VPS13A: variants seen among roughly 807,000 people sequenced by gnomAD.
VPS13A encodes intermembrane lipid transfer protein VPS13A.
Under a neutral mutation model 390.9 loss-of-function variants are expected in VPS13A, and 264 were observed. The observed-to-expected ratio is 0.68, with a 90% CI of 0.61 to 0.75. The LOEUF (loss-of-function observed/expected upper bound fraction) is 0.75, where lower values mean the gene tolerates loss of function less well. Among genes scored for constraint, VPS13A ranks in the 30% least tolerant of loss-of-function variants. The probability of loss-of-function intolerance (pLI) is 0.00; values close to 1 mark genes in which losing one functional copy is unlikely to be tolerated. For missense variants in VPS13A, 3,409 were observed against 3,733.9 expected, an observed-to-expected ratio of 0.91 and a Z score of 2.27; for synonymous variants, 1,231 against 1,227.1, an observed-to-expected ratio of 1.00 and a Z score of -0.07.
intron 34 of VPS13A, among the ~76,000 whole-genome samples, chr9:77,307,297 C>A (rs1377453607): frequency 2.0e-5 from 3 of 152,044 alleles, no homozygotes; most frequent in Non-Finnish European, 4.4e-5. Flanking sequence ...ATATAAATAT[C>A]AGGATTGCAT....
chr9:77,374,861 GTCTTCC>G (rs1460180574), intron 67 of VPS13A, among the ~76,000 whole-genome samples: 1 of 152,082 alleles, frequency 6.6e-6, no homozygotes, highest in African/African-American at 2.4e-5. Flanking sequence ...GTGGGTGGCT[GTCTTCC>G]TAATCTTTTT....
At chr9:77,323,328 C>T (rs959704284) in intron 45 of VPS13A, 101 bp downstream of exon 45, 107 of 1,390,714 alleles carry the variant, frequency 7.7e-5, no homozygotes, top group South Asian at 3.2e-4. Flanking sequence ...GAATATAAAC[C>T]GTAACAGTAA....
Position 77,247,333 on chromosome 9 carries a change from C to T in VPS13A, c.1975C>T (p.Pro659Ser), listed in dbSNP as rs774854431. ...INLKASYIIV[P>S]QDGIFSPTSN... ...TTTGAAGGCTTCATATATTATTGTC[C>T]CACAAGATGGAATTTTTAGTCCTAC... The change falls in exon 20 of 72, where the codon CCA becomes TCA. Residue 659 changes from proline to serine, a missense_variant. By Grantham distance (74) the Pro-to-Ser change is moderately conservative (BLOSUM62 -1). Coordinates refer to ENST00000360280, the MANE Select transcript of VPS13A (RefSeq NM_033305.3). 6.2e-7 allele frequency: 1 copy of T among 1,612,334 alleles called. No homozygotes were observed. The highest frequency in any genetic ancestry group is 8.5e-7 in the Non-Finnish European group (1 of 1,179,156).
chr9:77,346,417 T>C (rs1385855868), intron 52 of VPS13A, among the ~76,000 whole-genome samples: 1 of 152,252 alleles, frequency 6.6e-6, no homozygotes, highest in Non-Finnish European at 1.5e-5. Flanking sequence ...TTACAGATTC[T>C]GGATATTAGT....
chr9:77,203,940 G>A (rs960536196), intron 3 of VPS13A, among the ~76,000 whole-genome samples: 6 of 152,020 alleles, frequency 3.9e-5, no homozygotes, highest in South Asian at 2.1e-4. Context: ...CTGTAATCCC[G>A]GTACTTTGGG....
rs548049338 is a variant in VPS13A at position 77,417,957 on chromosome 9, G to A, written c.*1951G>A. On this transcript the variant is annotated 3_prime_UTR_variant, in exon 72 of 72. Transcript: ENST00000360280. ...CCATCACTTCCTTGTCTCTAGACTAGAGGGACCCACAGTTTTAAGAGCTAC... is the reference window on the plus strand; with the variant it reads ...CCATCACTTCCTTGTCTCTAGACTAAAGGGACCCACAGTTTTAAGAGCTAC... 6.6e-6 allele frequency: 1 copy of A among 152,184 alleles called. No individual in the cohort carries two copies. The highest frequency in any genetic ancestry group is 1.9e-4 in the East Asian group (1 of 5,172). 9.4% of individuals were successfully genotyped at this position (152,184 alleles called of 1,614,324 possible). A position where few individuals can be genotyped will look rare whatever the true frequency, so the allele number is the denominator to read the frequency against.
Position 77,252,248 on chromosome 9 carries a change from A to G in VPS13A, c.2184A>G (p.Arg728=). The G allele has an allele frequency of 6.2e-7, 1 of 1,613,576 alleles. No homozygotes were observed. The highest frequency in any genetic ancestry group is 8.5e-7 in the Non-Finnish European group (1 of 1,179,516). Residue 728 remains arginine, a synonymous_variant, in exon 22 of 72, where the codon AGA becomes AGG. Coordinates refer to ENST00000360280, the MANE Select transcript of VPS13A (RefSeq NM_033305.3). ...TTCTGTACTTAGGTGATAATTGGAG[A>G]GAAGCACGAAAACTCAGTGTATCTA... The part of the protein sequence containing the change: ...LLYSRVGDNW[R]EARKLSVSTQ...
chr9:77,285,543 AT>A (rs1188833494), intron 31 of VPS13A, among the ~76,000 whole-genome samples: 16 of 152,316 alleles, frequency 1.1e-4, no homozygotes, highest in African/African-American at 3.8e-4. Context: ...AAAAAATCCA[AT>A]TTTTAATGCT....
At chr9:77,302,368 CTTT>C (rs58598132) in intron 33 of VPS13A, among the ~76,000 whole-genome samples, 3 of 117,812 alleles carry the variant, frequency 2.5e-5, no homozygotes, top group Non-Finnish European at 5.1e-5. Flanking sequence ...TATTTTTCCC[CTTT>C]TTTTTTTTTT....
intron 25 of VPS13A, among the ~76,000 whole-genome samples, 188 bp from the exon 26 acceptor site, chr9:77,275,877 G>A (rs1244820893): frequency 6.8e-6 from 1 of 146,648 alleles, no homozygotes; most frequent in Non-Finnish European, 1.5e-5. Flanking sequence ...TTCAGTACAT[G>A]TTTTTGTGAA....
At chr9:77,302,313 C>T (rs1239660427) in intron 33 of VPS13A, among the ~76,000 whole-genome samples, 1 of 149,866 alleles carries the variant, frequency 6.7e-6, no homozygotes, top group African/African-American at 2.5e-5. Flanking sequence ...AACTTATATA[C>T]TTTTGCACTT....
chr9:77,262,699 C>G (rs1825825552), intron 23 of VPS13A, among the ~76,000 whole-genome samples: 1 of 152,030 alleles, frequency 6.6e-6, no homozygotes, highest in Non-Finnish European at 1.5e-5. Context: ...TTTTATGTTC[C>G]TGTGTTAGTT....
chr9:77,212,334 A>G (rs575772905), intron 7 of VPS13A, among the ~76,000 whole-genome samples: 1 of 152,192 alleles, frequency 6.6e-6, no homozygotes, highest in Admixed American at 6.5e-5. Flanking sequence ...TGAATGTGCC[A>G]TATATTTGTG....
chr9:77,177,888 G>C, intron 1 of VPS13A, 84 bp downstream of exon 1: 1 of 1,282,934 alleles, frequency 7.8e-7, no homozygotes, highest in African/African-American at 1.5e-5. Context: ...CGTTCTCGGG[G>C]CTTCGAGCAC....
chr9:77,227,260 A>G (rs1177806425), intron 15 of VPS13A, 131 bp from the exon 16 acceptor site: 2 of 690,146 alleles, frequency 2.9e-6, no homozygotes, highest in Admixed American at 2.5e-5. Flanking sequence ...CCATTCAAAC[A>G]TTCAGTGTTT....
At chr9:77,368,166 A>G in intron 62 of VPS13A, 30 bp downstream of exon 62, 2 of 1,565,908 alleles carry the variant, frequency 1.3e-6, no homozygotes, top group Non-Finnish European at 8.8e-7. Flanking sequence ...ACAGAGGGAC[A>G]GAGTGATACA....
At chr9:77,355,719 T>TA (rs1252648037) in intron 54 of VPS13A, among the ~76,000 whole-genome samples, 1 of 152,224 alleles carries the variant, frequency 6.6e-6, no homozygotes, top group Non-Finnish European at 1.5e-5. Context: ...TCCTTCTAGT[T>TA]ATGCAGCCCA....
chr9:77,367,376 T>G (rs934650024), intron 61 of VPS13A, among the ~76,000 whole-genome samples: 3 of 152,182 alleles, frequency 2.0e-5, no homozygotes, highest in African/African-American at 7.2e-5. Context: ...GAGTTGAGAC[T>G]TTAGAAGAGA....
chr9:77,359,388 G>A lies in VPS13A; in HGVS notation c.8091G>A (p.Gln2697=). The A allele has an allele frequency of 6.2e-7, 1 of 1,612,672 alleles. No individual in the cohort carries two copies. Among genetic ancestry groups the A allele is most frequent in the Non-Finnish European group, 8.5e-7 (1 of 1,179,058 alleles). ...SIVMRSAGHS[Q]ISRIKYFKVL... Reference sequence around the variant, plus strand: ...TCATGAGATCTGCAGGACATTCCCAGATATCACGTATTAAGTAAGTGTCTT... The same window carrying A: ...TCATGAGATCTGCAGGACATTCCCAAATATCACGTATTAAGTAAGTGTCTT... The change falls in exon 58 of 72, where the codon CAG becomes CAA. Residue 2697 remains glutamine, a synonymous_variant. Transcript: ENST00000360280.
Sources: allele counts gnomAD v4.1 joint callset (sites outside exome capture counted in the v4.1 genomes callset), GRCh38; gene constraint gnomAD v4.1.1; transcripts MANE v1.5; gene names NCBI Gene and HGNC (gene_info 2026-07-23, HGNC 2026-07-21).